SEC63: variants seen among roughly 807,000 people sequenced by gnomAD.
The protein encoded by SEC63 is SEC63 protein translocation regulator, also known as translocation protein SEC63 homolog.
Under a neutral mutation model 116.2 loss-of-function variants are expected in SEC63, and 56 were observed. That is an observed-to-expected ratio of 0.48 (90% CI 0.39 to 0.60). SEC63 has a LOEUF of 0.60. SEC63 is among the 20% of genes least tolerant of loss of function. The pLI is 0.00. For missense variants in SEC63, 668 were observed against 900.0 expected, an observed-to-expected ratio of 0.74 and a Z score of 3.30; for synonymous variants, 273 against 294.6, an observed-to-expected ratio of 0.93 and a Z score of 0.75.
intron 1 of SEC63, among the ~76,000 whole-genome samples, chr6:107,948,614 G>A (rs1222575186): frequency 6.6e-6 from 1 of 152,098 alleles, no homozygotes; most frequent in Non-Finnish European, 1.5e-5. Context: ...CCTCCATGTT[G>A]GGGCTCAGTG....
At chr6:107,877,399 T>C (rs1786305600) in intron 18 of SEC63, 1 of 152,170 alleles carries the variant, frequency 6.6e-6, no homozygotes, top group Non-Finnish European at 1.5e-5. Flanking sequence ...GGTTAAAAAA[T>C]CATCTTACTG....
intron 1 of SEC63, among the ~76,000 whole-genome samples, chr6:107,938,692 G>T (rs747421340): frequency 1.4e-4 from 21 of 151,742 alleles, no homozygotes; most frequent in Admixed American, 3.3e-4. Flanking sequence ...GAGTAGCTGG[G>T]ATTACAGGCA....
chr6:107,889,019 A>G (rs1384710540), intron 16 of SEC63, among the ~76,000 whole-genome samples: 1 of 152,094 alleles, frequency 6.6e-6, no homozygotes, highest in Non-Finnish European at 1.5e-5. Context: ...TTTTTGCATC[A>G]ATGTTCATCA....
At chr6:107,940,730 T>C (rs1299464858) in intron 1 of SEC63, among the ~76,000 whole-genome samples, 1 of 151,394 alleles carries the variant, frequency 6.6e-6, no homozygotes, top group East Asian at 1.9e-4. Context: ...ATAGGAAAAG[T>C]TGGCAGAATA....
At chr6:107,918,828 C>A (rs1787477296) in intron 4 of SEC63, among the ~76,000 whole-genome samples, 1 of 151,472 alleles carries the variant, frequency 6.6e-6, no homozygotes, top group Non-Finnish European at 1.5e-5. Flanking sequence ...ATTCTAAATG[C>A]CATTAAGAAC....
At position 107,901,480 on chromosome 6, in the gene SEC63, T is replaced by C; in HGVS notation, c.1247A>G (p.Lys416Arg). The change falls in exon 13 of 21, where the codon AAA becomes AGA. Residue 416 changes from lysine to arginine, a missense_variant. By Grantham distance (26) the Lys-to-Arg change is conservative. Transcript: ENST00000369002. The part of the protein sequence containing the change: ...IKTIQDLVSL[K>R]ESDRHTLLHF... Reference sequence around the variant, plus strand: ...CAGTAGAGTGTGACGATCTGATTCTTTTAAACTCACCAAATCCTGGATAGT... The same window carrying C: ...CAGTAGAGTGTGACGATCTGATTCTCTTAAACTCACCAAATCCTGGATAGT... The C allele has an allele frequency of 1.9e-6, 3 of 1,606,950 alleles. No individual in the cohort carries two copies. The highest frequency in any genetic ancestry group is 2.6e-6 in the Non-Finnish European group (3 of 1,173,728).
chr6:107,934,926 C>A (rs1334861845), intron 1 of SEC63, among the ~76,000 whole-genome samples: 1 of 55,768 alleles, frequency 1.8e-5, no homozygotes, highest in Non-Finnish European at 3.5e-5. Flanking sequence ...GCCAGCCACC[C>A]CGTCCAGGAG....
At chr6:107,918,909 T>A in intron 4 of SEC63, among the ~76,000 whole-genome samples, 1 of 124,026 alleles carries the variant, frequency 8.1e-6, no homozygotes, top group African/African-American at 3.5e-5. Flanking sequence ...ATTTCCTTTT[T>A]TTTTTTTTTT....
At position 107,898,562 on chromosome 6, in the gene SEC63, T is replaced by C. The variant is rs529887349; in HGVS notation, c.1358-831A>G. On this transcript the variant is annotated intron_variant, in intron 13 of 20. Coordinates refer to ENST00000369002, the MANE Select transcript of SEC63 (RefSeq NM_007214.5). Reference sequence around the variant, plus strand: ...ATTTTTTTAAAGGCAAGAACAAATATATCCTCTTTACACTAAAAAGCACTT... The same window carrying C: ...ATTTTTTTAAAGGCAAGAACAAATACATCCTCTTTACACTAAAAAGCACTT... 2.6e-5 allele frequency among the ~76,000 whole-genome samples: 4 copies of C among 152,294 alleles called. No individual in the cohort carries two copies. The East Asian group carries it at 7.7e-4, about 29-fold the overall frequency.
chr6:107,925,401 C>T (rs1195909121), intron 2 of SEC63, among the ~76,000 whole-genome samples: 5 of 152,014 alleles, frequency 3.3e-5, no homozygotes, highest in Admixed American at 2.6e-4. Context: ...ACCTAAATTA[C>T]GGCTCACAGG....
intron 20 of SEC63, among the ~76,000 whole-genome samples, chr6:107,872,076 T>G (rs1020808151): frequency 1.4e-4 from 22 of 152,342 alleles, no homozygotes; most frequent in African/African-American, 5.3e-4. Context: ...CAGTTTGATA[T>G]TTTGATTCTG....
chr6:107,938,509 T>G (rs1042656477), intron 1 of SEC63, among the ~76,000 whole-genome samples: 4 of 151,846 alleles, frequency 2.6e-5, no homozygotes, highest in Admixed American at 2.0e-4. Flanking sequence ...CCTCCCAAAG[T>G]GCTAGGATTA....
At chr6:107,891,239 C>A (rs557448904) in intron 16 of SEC63, among the ~76,000 whole-genome samples, 75 of 152,196 alleles carry the variant, frequency 4.9e-4, no homozygotes, top group African/African-American at 1.7e-3. Context: ...CATAGTCCCA[C>A]ACTTCTTGCA....
chr6:107,935,020 C>G (rs1419463340), intron 1 of SEC63, among the ~76,000 whole-genome samples: 1 of 133,972 alleles, frequency 7.5e-6, no homozygotes, highest in Non-Finnish European at 1.6e-5. Context: ...CCCGGCCAGC[C>G]ACCCCGTCCG....
At chr6:107,906,937 A>T (rs1208107920) in intron 8 of SEC63, among the ~76,000 whole-genome samples, 160 bp from the exon 9 acceptor site, 1 of 152,216 alleles carries the variant, frequency 6.6e-6, no homozygotes, top group Non-Finnish European at 1.5e-5. Context: ...TCTTCCATAA[A>T]AAAAGTAACA....
intron 1 of SEC63, chr6:107,955,943 A>T (rs771487805): frequency 2.8e-5 from 10 of 360,822 alleles, no homozygotes; most frequent in Non-Finnish European, 4.5e-5. Flanking sequence ...AAATCAGGTG[A>T]ATTTTATAAT....
intron 18 of SEC63, among the ~76,000 whole-genome samples, chr6:107,878,449 T>G (rs1786331547): frequency 6.6e-6 from 1 of 152,260 alleles, no homozygotes; most frequent in South Asian, 2.1e-4. Context: ...AAGTAGGGAA[T>G]GTAAGCAGCA....
intron 14 of SEC63, among the ~76,000 whole-genome samples, chr6:107,895,031 C>T (rs79629307): frequency 1.3e-5 from 2 of 152,294 alleles, no homozygotes; most frequent in East Asian, 3.9e-4. Flanking sequence ...GTTGCCACTC[C>T]CTAGTCTAAT....
In SEC63 at chr6:107,868,016, C is replaced by A. The variant is rs917110043; in HGVS notation, c.*3688G>T. 6.6e-6 allele frequency: 1 copy of A among 152,032 alleles called. No homozygotes were observed. Among genetic ancestry groups the A allele is most frequent in the African/African-American group, 2.4e-5 (1 of 41,390 alleles). 9.4% of individuals were successfully genotyped at this position (152,032 alleles called of 1,614,324 possible). On this transcript the variant is annotated 3_prime_UTR_variant, in exon 21 of 21. Coordinates refer to ENST00000369002, the MANE Select transcript of SEC63 (RefSeq NM_007214.5). ...CAGGTTACAGAAATATGTACAAGAT[C>A]GCATCTTTTTAAGTTTTGCAAAATA...
Sources: gnomAD v4.1 joint callset for allele counts (sites outside exome capture counted in the v4.1 genomes callset) on GRCh38, gnomAD v4.1.1 for gene constraint, MANE v1.5 for transcripts, NCBI Gene and HGNC (gene_info 2026-07-23, HGNC 2026-07-21) for gene names.